The following PARD6G variants were observed in gnomAD, a reference collection of about 807,000 sequenced individuals.
PARD6G encodes the protein par-6 family cell polarity regulator gamma.
A neutral mutation model predicts 10.7 loss-of-function variants in PARD6G; 7 were observed. That is an observed-to-expected ratio of 0.66 (90% confidence interval 0.37 to 1.23). PARD6G has a LOEUF of 1.23. Among genes scored for constraint, PARD6G ranks in the 50% most tolerant of loss-of-function variants. The pLI, the probability that PARD6G is intolerant of heterozygous loss-of-function variation, is 0.02. For synonymous variants in PARD6G, 287 were observed against 269.4 expected, an observed-to-expected ratio of 1.07 and a Z score of -0.64; for missense variants, 548 against 571.8, an observed-to-expected ratio of 0.96 and a Z score of 0.42.
At position 80,159,707 on chromosome 18, in the gene PARD6G, C is replaced by G; in HGVS notation, c.*64G>C. 1 of 1,329,956 alleles carries G rather than the reference C, an allele frequency of 7.5e-7. No homozygotes were observed. The allele number at this position is 1,329,956 out of a possible 1,614,324, so 82.4% of individuals were successfully genotyped here. A position where few individuals can be genotyped will look rare whatever the true frequency, so the allele number is the denominator to read the frequency against. On this transcript the variant is annotated 3_prime_UTR_variant, in exon 3 of 3. Coordinates refer to ENST00000353265, the MANE Select transcript of PARD6G (RefSeq NM_032510.4). Reference sequence around the variant, plus strand: ...ACAACAAAAAATGAGCGGATGCAGTCTGCAGGTCCTGTCCCTGTCCTTACC... The same window carrying G: ...ACAACAAAAAATGAGCGGATGCAGTGTGCAGGTCCTGTCCCTGTCCTTACC...
At chr18:80,163,081 T>G (rs966291808) in intron 2 of PARD6G, among the ~76,000 whole-genome samples, 1 of 152,142 alleles carries the variant, frequency 6.6e-6, no homozygotes, top group Admixed American at 6.5e-5. Context: ...TACGGGCTCT[T>G]CCCAAGGGGT....
chr18:80,164,541 A>G (rs897505517), intron 2 of PARD6G, among the ~76,000 whole-genome samples: 8 of 152,232 alleles, frequency 5.3e-5, no homozygotes, highest in Admixed American at 1.3e-4. Flanking sequence ...CTGGGCCTTC[A>G]AGGACTTGAG....
At chr18:80,191,335 C>T (rs1014227483) in intron 2 of PARD6G, among the ~76,000 whole-genome samples, 2 of 152,238 alleles carry the variant, frequency 1.3e-5, no homozygotes, top group South Asian at 2.1e-4. Flanking sequence ...CTACATGAGG[C>T]GATGCCTTTG....
rs1395741038 is a variant in PARD6G at position 80,159,997 on chromosome 18, A to G, written c.905T>C (p.Val302Ala). The G allele has an allele frequency of 4.0e-6, 6 of 1,512,280 alleles. No individual in the cohort carries two copies. Among genetic ancestry groups the G allele is most frequent in the Non-Finnish European group, 5.3e-6 (6 of 1,137,922 alleles). The allele number at this position is 1,512,280 out of a possible 1,614,324, so 93.7% of individuals were successfully genotyped here. A position where few individuals can be genotyped will look rare whatever the true frequency, so the allele number is the denominator to read the frequency against. Residue 302 changes from valine to alanine, a missense_variant, in exon 3 of 3, where the codon GTC (valine) becomes GCC (alanine). Around this residue, in one of 2 missense-constraint regions of PARD6G, gnomAD observed 313 missense variants for 279.9 expected, o/e 1.12. Coordinates refer to ENST00000353265, the MANE Select transcript of PARD6G (RefSeq NM_032510.4). ...TGCAGGCTCCAGTGTGCCCTCGATG[A>G]CGACGTCGTTGTCCTCATCGCTCTC... is the stretch of plus-strand genomic sequence containing the variant. ...EAESDEDNDV[V>A]IEGTLEPARP...
At chr18:80,238,037 C>T (rs185267305) in intron 1 of PARD6G, among the ~76,000 whole-genome samples, 8 of 152,258 alleles carry the variant, frequency 5.3e-5, no homozygotes, top group Non-Finnish European at 1.2e-4. Flanking sequence ...GCTATAAAGA[C>T]ACATGCACAC....
In PARD6G at chr18:80,182,655, G is replaced by C. The variant is rs1732568459; in HGVS notation, c.295+20055C>G. 6.6e-6 allele frequency among the ~76,000 whole-genome samples: 1 copy of C among 152,154 alleles called. No individual in the cohort carries two copies. The highest frequency in any genetic ancestry group is 1.5e-5 in the Non-Finnish European group (1 of 68,032). On this transcript the variant is annotated intron_variant, in intron 2 of 2. Coordinates refer to ENST00000353265, the MANE Select transcript of PARD6G (RefSeq NM_032510.4). The surrounding 1 kb of genome is among the most constrained non-coding windows in gnomAD (Gnocchi z 4.5). Reference sequence around the variant, plus strand: ...AAAAATAGCTTCCACAGGGAAAAAAGGTGCAAGTCCAACAGACACCCTTTC... The same window carrying C: ...AAAAATAGCTTCCACAGGGAAAAAACGTGCAAGTCCAACAGACACCCTTTC...
rs974696393 is a variant in PARD6G, at chr18:80,159,047, G to C, written c.*724C>G. The C allele has an allele frequency of 6.6e-6, 1 of 151,178 alleles. No homozygotes were observed. The highest frequency in any genetic ancestry group is 6.6e-5 in the Admixed American group (1 of 15,172). The allele number at this position is 151,178 out of a possible 1,614,324, so 9.4% of individuals were successfully genotyped here. A position where few individuals can be genotyped will look rare whatever the true frequency, so the allele number is the denominator to read the frequency against. ...TCTGTCACCCAGGCTGGAGTGCAGTGGTGCGATCTCAGCTCACTGCAACCT... is the reference window on the plus strand; with the variant it reads ...TCTGTCACCCAGGCTGGAGTGCAGTCGTGCGATCTCAGCTCACTGCAACCT... On this transcript the variant is annotated 3_prime_UTR_variant, in exon 3 of 3. Transcript: ENST00000353265.
At chr18:80,213,946 C>CAAAA (rs36051371) in intron 1 of PARD6G, among the ~76,000 whole-genome samples, 1 of 115,828 alleles carries the variant, frequency 8.6e-6, no homozygotes, top group Non-Finnish European at 1.7e-5. Context: ...GACTCCATCT[C>CAAAA]AAAAAAAAAA....
At chr18:80,222,282 C>A (rs150171723) in intron 1 of PARD6G, among the ~76,000 whole-genome samples, 129 of 151,934 alleles carry the variant, frequency 8.5e-4, no homozygotes, top group African/African-American at 3.0e-3. Flanking sequence ...GAGATGGAGT[C>A]ATTCCTATGT....
intron 1 of PARD6G, among the ~76,000 whole-genome samples, chr18:80,221,686 C>T (rs12457111): frequency 0.17 from 25,935 of 151,960 alleles, 2,798 homozygotes; most frequent in East Asian, 0.42. Context: ...TAACACTGTA[C>T]TGTAGTTTCG....
rs926514997 is a variant in PARD6G, at chr18:80,231,053, C to A, written c.72+16224G>T. Among the ~76,000 whole-genome samples, 2 of 152,072 alleles carry A rather than the reference C, an allele frequency of 1.3e-5. No homozygotes were observed. Among genetic ancestry groups the A allele is most frequent in the East Asian group, 3.9e-4 (2 of 5,178 alleles). On this transcript the variant is annotated intron_variant, in intron 1 of 2. Transcript: ENST00000353265. The surrounding 1 kb of genome is among the most constrained non-coding windows in gnomAD (Gnocchi z 4.2). ...GGAGAGAGAATTCCAAATGGAAGGT[C>A]AGGGACAAGGGGTGCCCTTTGTGAG...
At position 80,238,864 on chromosome 18, in the gene PARD6G, G is replaced by A. The variant is rs951368499; in HGVS notation, c.72+8413C>T. 4.5e-4 allele frequency among the ~76,000 whole-genome samples: 68 copies of A among 151,948 alleles called. 1 individual carries two copies. The highest frequency in any genetic ancestry group is 1.8e-3 in the Admixed American group (27 of 15,240). On this transcript the variant is annotated intron_variant, in intron 1 of 2. Transcript: ENST00000353265. ...CTGGGAGGTCACAGAATCGGGGGGC[G>A]GGCGGGGGAAGTGGGAGGTGACAGA...
chr18:80,234,086 G>A (rs1410594342), intron 1 of PARD6G, among the ~76,000 whole-genome samples: 1 of 152,188 alleles, frequency 6.6e-6, no homozygotes, highest in Non-Finnish European at 1.5e-5. Context: ...CTCACCATGA[G>A]TGAAGCTGCT....
rs1236504697 is a variant in PARD6G, at chr18:80,181,746, C to T, written c.295+20964G>A. Among the ~76,000 whole-genome samples, 1 of 152,092 alleles carries T rather than the reference C, an allele frequency of 6.6e-6. No homozygotes were observed. The highest frequency in any genetic ancestry group is 1.5e-5 in the Non-Finnish European group (1 of 68,022). ...CTGGAAGCTGCTTTCAGCTCCTGGC[C>T]TTCCTGATGGGCATCGGCTCCCCAT... On this transcript the variant is annotated intron_variant, in intron 2 of 2. Transcript: ENST00000353265. The surrounding 1 kb of genome is among the most constrained non-coding windows in gnomAD (Gnocchi z 7.9).
chr18:80,239,851 G>T (rs1221302982), intron 1 of PARD6G, among the ~76,000 whole-genome samples: 5 of 151,916 alleles, frequency 3.3e-5, no homozygotes, highest in African/African-American at 1.2e-4. Flanking sequence ...ATTTTAATTG[G>T]TAAAGAAAAG....
At chr18:80,195,305 C>T (rs1326129923) in intron 2 of PARD6G, among the ~76,000 whole-genome samples, 1 of 152,004 alleles carries the variant, frequency 6.6e-6, no homozygotes, top group East Asian at 1.9e-4. Flanking sequence ...GCTCCTCATC[C>T]ACCGAGGCCA....
In PARD6G at chr18:80,181,969, G is replaced by A. The variant is rs1253803328; in HGVS notation, c.295+20741C>T. The stretch of plus-strand genomic sequence containing the variant: ...CACGTTTCCAGTGGAGAAGCCCTTT[G>A]CAGAGTTCAGAGCTCTCGCAGGCCT... On this transcript the variant is annotated intron_variant, in intron 2 of 2. Transcript: ENST00000353265. The surrounding 1 kb of genome is among the most constrained non-coding windows in gnomAD (Gnocchi z 7.9). 6.6e-6 allele frequency among the ~76,000 whole-genome samples: 1 copy of A among 152,194 alleles called. No homozygotes were observed. Among genetic ancestry groups the A allele is most frequent in the Non-Finnish European group, 1.5e-5 (1 of 68,032 alleles).
At chr18:80,171,632 C>G (rs922672996) in intron 2 of PARD6G, 8 of 152,284 alleles carry the variant, frequency 5.3e-5, no homozygotes, top group African/African-American at 1.9e-4. Context: ...CCGTTTCTCC[C>G]AATGCCTTCC....
chr18:80,228,328 T>A lies in PARD6G; in HGVS notation c.72+18949A>T, dbSNP rs1967318957. ...CGGAGGGGAGGCCAGGGGAGGGGAG[T>A]TCCCGGACACACGGTCCTGGAGAAC... On this transcript the variant is annotated intron_variant, in intron 1 of 2. Coordinates refer to ENST00000353265, the MANE Select transcript of PARD6G (RefSeq NM_032510.4). This position sits in a 1 kb window ranked among gnomAD's most constrained non-coding sequence, Gnocchi z 4.6. Among the ~76,000 whole-genome samples, 1 of 151,048 alleles carries A rather than the reference T, an allele frequency of 6.6e-6. No homozygotes were observed. The highest frequency in any genetic ancestry group is 2.4e-5 in the African/African-American group (1 of 40,976).
Sources: gnomAD v4.1 joint callset for allele counts (sites outside exome capture counted in the v4.1 genomes callset) on GRCh38, gnomAD v4.1.1 for gene constraint, gnomAD v4.1.1 regional missense constraint, Gnocchi (gnomAD v3.1) non-coding constraint, MANE v1.5 for transcripts, NCBI Gene and HGNC (gene_info 2026-07-23, HGNC 2026-07-21) for gene names.